The following RCC1 variants were observed in gnomAD, a reference collection of about 807,000 sequenced individuals.
The protein encoded by RCC1 is regulator of chromosome condensation.
RCC1 carries 11 observed loss-of-function variants against 44.4 expected under a neutral mutation model. The observed-to-expected ratio is 0.25, with a 90% CI of 0.16 to 0.41. The LOEUF is 0.41. Among genes scored for constraint, RCC1 ranks in the 10% least tolerant of loss-of-function variants. The probability of loss-of-function intolerance (pLI) is 1.00; values close to 1 mark genes in which losing one functional copy is unlikely to be tolerated. For missense variants in RCC1, 386 were observed against 547.1 expected, an observed-to-expected ratio of 0.71 and a Z score of 2.94; for synonymous variants, 213 against 216.5, an observed-to-expected ratio of 0.98 and a Z score of 0.14.
Position 28,529,928 on chromosome 1 carries a change from A to G in RCC1, c.62A>G (p.Lys21Arg), listed in dbSNP as rs759008153. The G allele has an allele frequency of 8.1e-6, 13 of 1,613,790 alleles. No homozygotes were observed. Among genetic ancestry groups the G allele is most frequent in the Non-Finnish European group, 9.3e-6 (11 of 1,179,936 alleles). Reference sequence around the variant, plus strand: ...CCAGCAGATGCCATCCCCAAAAGCAAGAAGGTGAAGGGTAAGTTGGCCTTG... The same window carrying G: ...CCAGCAGATGCCATCCCCAAAAGCAGGAAGGTGAAGGGTAAGTTGGCCTTG... ...SPPADAIPKS[K>R]KVKVSHRSHS... The change falls in exon 5 of 13, where the codon AAG (lysine) becomes AGG (arginine). Residue 21 changes from lysine (K) to arginine (R), a missense_variant. Lys to Arg is a conservative substitution (Grantham distance 26, BLOSUM62 2). Coordinates refer to ENST00000683442, the MANE Select transcript of RCC1 (RefSeq NM_001381865.2).
intron 5 of RCC1, chr1:28,530,555 G>A: frequency 6.2e-7 from 1 of 1,606,162 alleles, no homozygotes; most frequent in East Asian, 2.2e-5. Flanking sequence ...CCGCGTTCCT[G>A]GCGCCCGCTC....
chr1:28,511,840 T>A (rs181905675), intron 3 of RCC1, among the ~76,000 whole-genome samples: 32 of 152,030 alleles, frequency 2.1e-4, no homozygotes, highest in African/African-American at 7.7e-4. Context: ...TTTTTTGCAT[T>A]TTTTAGTAGA....
At chr1:28,522,196 A>C (rs981732465) in intron 4 of RCC1, among the ~76,000 whole-genome samples, 1 of 152,134 alleles carries the variant, frequency 6.6e-6, no homozygotes, top group Non-Finnish European at 1.5e-5. Flanking sequence ...TGGAGGAGGG[A>C]TCAGAGGAGG....
In RCC1 at chr1:28,538,159, C is replaced by G. The variant is rs1376214533; in HGVS notation, c.*152C>G. The G allele has an allele frequency of 4.6e-6, 3 of 651,566 alleles. No homozygotes were observed. The African/African-American group carries it at 5.5e-5, about 12-fold the overall frequency. The allele number at this position is 651,566 out of a possible 1,614,324, so 40.4% of individuals were successfully genotyped here. On this transcript the variant is annotated 3_prime_UTR_variant, in exon 13 of 13. Coordinates refer to ENST00000683442, the MANE Select transcript of RCC1 (RefSeq NM_001381865.2). ...TCATCAGCAGAACAGAATCCTTTTC[C>G]TCTTTTCCTTCCTCCTCTTTGGAAT...
At chr1:28,529,037 A>AT (rs779736390) in intron 4 of RCC1, among the ~76,000 whole-genome samples, 1,245 of 101,902 alleles carry the variant, frequency 0.012, 7 homozygotes, top group Middle Eastern at 0.018. Flanking sequence ...TAATTTTTGT[A>AT]TTTTTTTTTT....
intron 1 of RCC1, 117 bp downstream of exon 1, chr1:28,506,201 C>CTTTT: frequency 1.2e-5 from 5 of 400,930 alleles, no homozygotes; most frequent in Non-Finnish European, 1.9e-5. Context: ...TATTTATTTA[C>CTTTT]TTTTTTTTTT....
chr1:28,509,078 C>G (rs1475670188), intron 3 of RCC1, 173 bp downstream of exon 3: 1 of 360,524 alleles, frequency 2.8e-6, no homozygotes, highest in Non-Finnish European at 5.4e-6. Context: ...GCTGGGATTA[C>G]AAACATAAGC....
chr1:28,526,898 GAAAAA>G (rs200034684), intron 4 of RCC1: 29 of 656,908 alleles, frequency 4.4e-5, no homozygotes, highest in South Asian at 1.4e-4. Flanking sequence ...CTCCGTCTCG[GAAAAA>G]AAAAAAAAAA....
intron 4 of RCC1, among the ~76,000 whole-genome samples, chr1:28,524,062 G>A (rs912234152): frequency 2.6e-5 from 4 of 152,286 alleles, no homozygotes; most frequent in South Asian, 2.1e-4. Context: ...TGATCCACCC[G>A]CCTTGGCCTC....
intron 3 of RCC1, among the ~76,000 whole-genome samples, chr1:28,514,438 A>C (rs949431212): frequency 1.4e-5 from 2 of 146,894 alleles, no homozygotes; most frequent in Non-Finnish European, 3.0e-5. Flanking sequence ...CGACAGAGCG[A>C]GACTCCGTCT....
At chr1:28,521,668 G>A (rs1417538712) in intron 4 of RCC1, among the ~76,000 whole-genome samples, 1 of 152,200 alleles carries the variant, frequency 6.6e-6, no homozygotes. Context: ...TGTCGCCACT[G>A]TCCTTCCCCA....
At chr1:28,525,171 G>C (rs1011755339) in intron 4 of RCC1, among the ~76,000 whole-genome samples, 3 of 152,128 alleles carry the variant, frequency 2.0e-5, no homozygotes, top group Non-Finnish European at 4.4e-5. Flanking sequence ...GAACGGAACA[G>C]AACAGGACAG....
intron 4 of RCC1, among the ~76,000 whole-genome samples, chr1:28,529,317 G>A (rs1458659770): frequency 1.3e-5 from 2 of 150,618 alleles, no homozygotes; most frequent in South Asian, 2.1e-4. Context: ...CTGAGTAGCT[G>A]GGATTACAGG....
At chr1:28,520,221 C>A (rs962420397) in intron 4 of RCC1, among the ~76,000 whole-genome samples, 1 of 152,156 alleles carries the variant, frequency 6.6e-6, no homozygotes, top group Non-Finnish European at 1.5e-5. Context: ...GGGGACCTTA[C>A]ACACAGAGAT....
intron 3 of RCC1, among the ~76,000 whole-genome samples, chr1:28,511,131 T>G (rs188312595): frequency 7.9e-4 from 121 of 152,296 alleles, no homozygotes; most frequent in African/African-American, 2.4e-3. Context: ...GTTGCCTATC[T>G]TAGGAGTACT....
chr1:28,532,401 G>T, intron 7 of RCC1, 51 bp downstream of exon 7: 1 of 1,595,870 alleles, frequency 6.3e-7, no homozygotes, highest in Non-Finnish European at 8.6e-7. Context: ...AGAATTAATT[G>T]GCGGGGCCCC....
rs1367898698 is a variant in RCC1 at position 28,531,742 on chromosome 1, T to C, written c.74-61T>C. 5.7e-6 allele frequency: 8 copies of C among 1,407,550 alleles called. No individual in the cohort carries two copies. The African/African-American group carries it at 5.7e-5, about 10-fold the overall frequency. 87.2% of individuals were successfully genotyped at this position (1,407,550 alleles called of 1,614,324 possible). On this transcript the variant is annotated intron_variant, in intron 5 of 12. Transcript: ENST00000683442. ...CACAGGTTTGTCTGATCCCAGAGCC[T>C]GTGACCTCTCCTCGCTGTCGTCATC...
Position 28,536,031 on chromosome 1 carries a change from G to A in RCC1, c.817+5G>A. The A allele has an allele frequency of 6.2e-7, 1 of 1,601,832 alleles. No homozygotes were observed. Among genetic ancestry groups the A allele is most frequent in the Non-Finnish European group, 8.5e-7 (1 of 1,172,852 alleles). On this transcript the variant is annotated splice_donor_5th_base_variant and intron_variant, in intron 10 of 12. Transcript: ENST00000683442. This position sits in a 1 kb window ranked among gnomAD's most constrained non-coding sequence, Gnocchi z 4.9. ...TCTCCAACTACCATCAGCTTGGTGA[G>A]CCCCGAGCCCAGCTTCAGGCATGAC...
At chr1:28,526,960 A>G in intron 4 of RCC1, 1 of 867,030 alleles carries the variant, frequency 1.2e-6, no homozygotes, top group Non-Finnish European at 2.0e-6. Flanking sequence ...ATTTCCCCTC[A>G]AAGTCATCAA....
Sources: allele counts gnomAD v4.1 joint callset (sites outside exome capture counted in the v4.1 genomes callset), GRCh38; gene constraint gnomAD v4.1.1; non-coding constraint Gnocchi (gnomAD v3.1); transcripts MANE v1.5; gene names NCBI Gene and HGNC (gene_info 2026-07-23, HGNC 2026-07-21).